The following RBM20 variants were observed in gnomAD, a reference collection of about 807,000 sequenced individuals.
RBM20 encodes RNA-binding protein 20.
RBM20 carries 51 observed loss-of-function variants against 110.1 expected under a neutral mutation model. The ratio of observed to expected loss-of-function variants is 0.46; its 90% CI spans 0.37 to 0.59. RBM20 has a LOEUF of 0.59. Ranked by LOEUF, RBM20 falls within the 20% of genes least tolerant of loss-of-function variation. RBM20 has a pLI of 0.00. For missense variants in RBM20, 1,512 were observed against 1,574.9 expected (o/e 0.96, Z 0.68); for synonymous variants, 589 against 618.2 (o/e 0.95, Z 0.70).
chr10:110,764,108 C>A (rs17762854), intron 1 of RBM20, among the ~76,000 whole-genome samples: 4,669 of 152,244 alleles, frequency 0.031, 133 homozygotes, highest in Non-Finnish European at 0.042. Flanking sequence ...CATCTCCGTT[C>A]ATCTCCTGTT....
Position 110,831,175 on chromosome 10 carries a change from A to G in RBM20, c.3566A>G (p.Asn1189Ser), listed in dbSNP as rs1051471272. Residue 1189 changes from asparagine to serine, a missense_variant, in exon 13 of 14, where the codon AAC becomes AGC. Transcript: ENST00000369519. The part of the protein sequence containing the change: ...SHCRSAVHYR[N>S]LQKYLSQLAE... ...TGCCGCAGCGCTGTCCACTACAGGAACTTACAGGTAAAAATCCACTCTCCT... is the reference window on the plus strand; with the variant it reads ...TGCCGCAGCGCTGTCCACTACAGGAGCTTACAGGTAAAAATCCACTCTCCT... 2 of 1,551,100 alleles carry G rather than the reference A, an allele frequency of 1.3e-6. No individual in the cohort carries two copies. The highest frequency in any genetic ancestry group is 2.0e-5 in the Admixed American group (1 of 51,000).
chr10:110,658,405 C>A (rs1253657912), intron 1 of RBM20, among the ~76,000 whole-genome samples: 4 of 152,172 alleles, frequency 2.6e-5, no homozygotes, highest in African/African-American at 9.7e-5. Flanking sequence ...CCCAGTTAAT[C>A]CTCCAACAAC....
intron 9 of RBM20, among the ~76,000 whole-genome samples, chr10:110,819,056 T>G (rs568003543): frequency 1.6e-4 from 24 of 152,280 alleles, no homozygotes; most frequent in African/African-American, 5.8e-4. Flanking sequence ...CTCAAGGGGG[T>G]GTGTCTGATT....
chr10:110,674,119 TTG>T (rs1397302849), intron 1 of RBM20, among the ~76,000 whole-genome samples: 4 of 152,286 alleles, frequency 2.6e-5, no homozygotes, highest in Admixed American at 2.0e-4. Flanking sequence ...TTTAGTTCAT[TTG>T]TGTGTCAGGT....
At chr10:110,714,456 G>A (rs1418697813) in intron 1 of RBM20, among the ~76,000 whole-genome samples, 1 of 152,162 alleles carries the variant, frequency 6.6e-6, no homozygotes, top group Admixed American at 6.5e-5. Flanking sequence ...CCTAGGAACT[G>A]CTAGAAGGGC....
intron 8 of RBM20, among the ~76,000 whole-genome samples, chr10:110,811,135 G>A (rs886099608): frequency 2.6e-5 from 4 of 152,174 alleles, no homozygotes; most frequent in Non-Finnish European, 4.4e-5. Context: ...TGGCTGGCAC[G>A]TCCTGGGGTT....
At chr10:110,757,003 A>G (rs1367170067) in intron 1 of RBM20, among the ~76,000 whole-genome samples, 2 of 152,186 alleles carry the variant, frequency 1.3e-5, no homozygotes, top group African/African-American at 2.4e-5. Flanking sequence ...ACAACTTACA[A>G]TCAGATTTGT....
At chr10:110,685,078 T>A (rs1258930969) in intron 1 of RBM20, among the ~76,000 whole-genome samples, 3 of 152,252 alleles carry the variant, frequency 2.0e-5, no homozygotes, top group African/African-American at 7.2e-5. Flanking sequence ...ACGAGGCGAA[T>A]GACCCAGCTG....
chr10:110,830,833 A>C (rs1845041887), intron 12 of RBM20, among the ~76,000 whole-genome samples: 1 of 152,214 alleles, frequency 6.6e-6, no homozygotes, highest in Non-Finnish European at 1.5e-5. Context: ...CGCCGAGTCC[A>C]TCCCTTACAT....
At position 110,739,159 on chromosome 10, in the gene RBM20, C is replaced by T. The variant is rs1198082613; in HGVS notation, c.192-41642C>T. Among the ~76,000 whole-genome samples, 1 of 152,148 alleles carries T rather than the reference C, an allele frequency of 6.6e-6. No individual in the cohort carries two copies. Among genetic ancestry groups the T allele is most frequent in the East Asian group, 1.9e-4 (1 of 5,194 alleles). ...GTCTGTTGACAGGTCCTCCTGAGGA[C>T]CAAGGCCTGCATAGTCTGATTTATG... On this transcript the variant is annotated intron_variant, in intron 1 of 13. Transcript: ENST00000369519. This position sits in a 1 kb window ranked among gnomAD's most constrained non-coding sequence, Gnocchi z 4.1.
intron 1 of RBM20, among the ~76,000 whole-genome samples, chr10:110,759,928 A>G (rs1384981309): frequency 6.6e-6 from 1 of 152,152 alleles, no homozygotes; most frequent in Non-Finnish European, 1.5e-5. Flanking sequence ...AGCCAAGCCC[A>G]CCTCCATGGT....
At chr10:110,736,364 G>A (rs992726965) in intron 1 of RBM20, among the ~76,000 whole-genome samples, 1 of 148,354 alleles carries the variant, frequency 6.7e-6, no homozygotes, top group Non-Finnish European at 1.5e-5. Flanking sequence ...CACTATCTGT[G>A]CGTGTCAAGA....
At chr10:110,759,919 G>A (rs1174545741) in intron 1 of RBM20, among the ~76,000 whole-genome samples, 2 of 152,198 alleles carry the variant, frequency 1.3e-5, no homozygotes, top group African/African-American at 2.4e-5. Context: ...AGGCCACAGA[G>A]CCAAGCCCAC....
chr10:110,800,155 T>C (rs976276235), intron 7 of RBM20, among the ~76,000 whole-genome samples: 2 of 152,214 alleles, frequency 1.3e-5, no homozygotes, highest in Admixed American at 1.3e-4. Context: ...AGGAAAGTTT[T>C]CCAGAAGAAG....
rs144019103 is a variant in RBM20 at position 110,760,942 on chromosome 10, A to G, written c.192-19859A>G. On this transcript the variant is annotated intron_variant, in intron 1 of 13. Coordinates refer to ENST00000369519, the MANE Select transcript of RBM20 (RefSeq NM_001134363.3). Reference sequence around the variant, plus strand: ...CCTCATCTCTACTAAAAATACAAAAAAAAATTAGCCAGTTGTGGTGGTGGG... The same window carrying G: ...CCTCATCTCTACTAAAAATACAAAAGAAAATTAGCCAGTTGTGGTGGTGGG... 2.8e-3 allele frequency among the ~76,000 whole-genome samples: 422 copies of G among 150,820 alleles called. 2 individuals carry two copies. The highest frequency in any genetic ancestry group is 9.5e-3 in the African/African-American group (391 of 41,276).
rs1043414715 is a variant in RBM20, at chr10:110,823,558, T to C, written c.3395T>C (p.Leu1132Pro). ...ACTGAAGTGGAACTGAAACAGCCCCTTTCTTTGCCCTCTTGGGAACCAGAG... is the reference window on the plus strand; with the variant it reads ...ACTGAAGTGGAACTGAAACAGCCCCCTTCTTTGCCCTCTTGGGAACCAGAG... ...EYTEVELKQP[L>P]SLPSWEPEDV... Residue 1132 changes from leucine (L) to proline (P), a missense_variant, in exon 12 of 14, where the codon CTT (leucine) becomes CCT (proline). By Grantham distance (98) the Leu-to-Pro change is moderately conservative. Coordinates refer to ENST00000369519, the MANE Select transcript of RBM20 (RefSeq NM_001134363.3). 4 of 1,550,128 alleles carry C rather than the reference T, an allele frequency of 2.6e-6. No individual in the cohort carries two copies. The Admixed American group carries it at 7.9e-5, about 31-fold the overall frequency.
At chr10:110,747,187 G>A (rs1843791298) in intron 1 of RBM20, among the ~76,000 whole-genome samples, 1 of 151,562 alleles carries the variant, frequency 6.6e-6, no homozygotes, top group Non-Finnish European at 1.5e-5. Context: ...AGAATAGAAA[G>A]TTAAAAAAAT....
chr10:110,728,502 C>T (rs1162198291), intron 1 of RBM20, among the ~76,000 whole-genome samples: 1 of 152,158 alleles, frequency 6.6e-6, no homozygotes, highest in Non-Finnish European at 1.5e-5. Context: ...TGTTAGTGCT[C>T]ATTTTTATGC....
At chr10:110,673,359 A>G (rs1255971941) in intron 1 of RBM20, among the ~76,000 whole-genome samples, 2 of 152,060 alleles carry the variant, frequency 1.3e-5, no homozygotes, top group African/African-American at 4.8e-5. Context: ...TTACAGGCAC[A>G]CACCACCATG....
Sources: gnomAD v4.1 joint callset for allele counts (sites outside exome capture counted in the v4.1 genomes callset) on GRCh38, gnomAD v4.1.1 for gene constraint, Gnocchi (gnomAD v3.1) non-coding constraint, MANE v1.5 for transcripts, NCBI Gene and HGNC (gene_info 2026-07-23, HGNC 2026-07-21) for gene names.